ANKS1B: variants seen among roughly 807,000 people sequenced by gnomAD.
ANKS1B encodes ankyrin repeat and sterile alpha motif domain-containing protein 1B.
Under a neutral mutation model 148.3 loss-of-function variants are expected in ANKS1B, and 36 were observed. The ratio of observed to expected loss-of-function variants is 0.24; its 90% CI spans 0.19 to 0.32. The LOEUF (loss-of-function observed/expected upper bound fraction) is 0.32, where lower values mean the gene tolerates loss of function less well. Ranked by LOEUF, ANKS1B falls within the 10% of genes least tolerant of loss-of-function variation. The pLI, the probability that ANKS1B is intolerant of heterozygous loss-of-function variation, is 1.00. For synonymous variants in ANKS1B, 542 were observed against 560.8 expected, an observed-to-expected ratio of 0.97 and a Z score of 0.47; for missense variants, 1,157 against 1,542.6, an observed-to-expected ratio of 0.75 and a Z score of 4.19.
intron 12 of ANKS1B, among the ~76,000 whole-genome samples, chr12:99,394,955 G>A (rs1000591310): frequency 1.3e-5 from 2 of 152,104 alleles, no homozygotes; most frequent in Non-Finnish European, 2.9e-5. Context: ...TGTGTCAAAC[G>A]ATAGGAAATT....
intron 8 of ANKS1B, 65 bp from the exon 9 acceptor site, chr12:99,655,275 T>C: frequency 7.3e-7 from 1 of 1,370,142 alleles, no homozygotes; most frequent in Middle Eastern, 2.0e-4. Flanking sequence ...TTAACATCAA[T>C]TAAATTCTAT....
At chr12:98,797,804 T>C (rs1303115481) in intron 22 of ANKS1B, among the ~76,000 whole-genome samples, 3 of 152,202 alleles carry the variant, frequency 2.0e-5, no homozygotes, top group Non-Finnish European at 2.9e-5. Flanking sequence ...TTATATGCTC[T>C]TAAATTATTT....
intron 10 of ANKS1B, among the ~76,000 whole-genome samples, chr12:99,494,407 T>C (rs2096582995): frequency 6.6e-6 from 1 of 152,136 alleles, no homozygotes; most frequent in Non-Finnish European, 1.5e-5. Flanking sequence ...GTTCTTGTGG[T>C]TTGCTACTGC....
At chr12:99,098,613 G>C (rs2056961421) in intron 15 of ANKS1B, among the ~76,000 whole-genome samples, 1 of 106,582 alleles carries the variant, frequency 9.4e-6, no homozygotes. Flanking sequence ...TGCCTGCTAG[G>C]AACTACTTTT....
chr12:99,861,257 T>C (rs538934742), intron 1 of ANKS1B, among the ~76,000 whole-genome samples: 66 of 152,348 alleles, frequency 4.3e-4, no homozygotes, highest in African/African-American at 1.6e-3. Flanking sequence ...AACTGTTAAA[T>C]GTAATTTGTC....
chr12:99,318,884 T>C (rs1461995925), intron 12 of ANKS1B, among the ~76,000 whole-genome samples: 1 of 152,202 alleles, frequency 6.6e-6, no homozygotes, highest in Non-Finnish European at 1.5e-5. Flanking sequence ...TTGTTTTCAT[T>C]GGTTTCAAAG....
intron 15 of ANKS1B, among the ~76,000 whole-genome samples, chr12:99,103,027 G>A (rs2058348196): frequency 6.6e-6 from 1 of 152,090 alleles, no homozygotes; most frequent in Non-Finnish European, 1.5e-5. Flanking sequence ...AGCAGGTAAA[G>A]CACTAGTGGA....
chr12:99,583,005 C>A (rs2097585319), intron 9 of ANKS1B, among the ~76,000 whole-genome samples: 1 of 152,068 alleles, frequency 6.6e-6, no homozygotes, highest in South Asian at 2.1e-4. Flanking sequence ...TTTGTAGGAA[C>A]ACCTCTAAAT....
chr12:99,358,687 A>G (rs1272956361), intron 12 of ANKS1B, among the ~76,000 whole-genome samples: 1 of 64,812 alleles, frequency 1.5e-5, no homozygotes. Flanking sequence ...GTGCATGCAT[A>G]CACACACACA....
intron 17 of ANKS1B, among the ~76,000 whole-genome samples, chr12:98,897,328 A>T (rs1353134350): frequency 1.3e-5 from 2 of 152,216 alleles, no homozygotes; most frequent in Non-Finnish European, 2.9e-5. Flanking sequence ...CTAGCTATGC[A>T]TCTGAAAAAG....
At chr12:99,378,612 G>A (rs1469607283) in intron 12 of ANKS1B, among the ~76,000 whole-genome samples, 2 of 137,994 alleles carry the variant, frequency 1.4e-5, no homozygotes, top group Non-Finnish European at 3.0e-5. Flanking sequence ...CCGAGATCAC[G>A]CACTGCACTC....
chr12:99,452,604 G>A (rs1044487941), intron 10 of ANKS1B, among the ~76,000 whole-genome samples: 4 of 152,134 alleles, frequency 2.6e-5, no homozygotes, highest in Non-Finnish European at 5.9e-5. Flanking sequence ...GGGAGAAACA[G>A]TACAGAAATC....
chr12:99,560,323 ATGT>A (rs1376221290), intron 9 of ANKS1B, among the ~76,000 whole-genome samples: 1 of 152,040 alleles, frequency 6.6e-6, no homozygotes, highest in East Asian at 1.9e-4. Flanking sequence ...CTCAATAGAT[ATGT>A]TGTTTTTTTT....
chr12:99,563,124 C>T (rs1340849750), intron 9 of ANKS1B, among the ~76,000 whole-genome samples: 1 of 152,146 alleles, frequency 6.6e-6, no homozygotes, highest in African/African-American at 2.4e-5. Context: ...CTGATTTGGT[C>T]TTCTAACCAG....
chr12:98,957,981 A>G (rs2099865254), intron 17 of ANKS1B, among the ~76,000 whole-genome samples: 2 of 152,176 alleles, frequency 1.3e-5, no homozygotes, highest in Non-Finnish European at 2.9e-5. Flanking sequence ...GTACTTGTAA[A>G]TAGATGGGAG....
intron 17 of ANKS1B, among the ~76,000 whole-genome samples, chr12:98,930,940 G>A (rs1271911884): frequency 6.6e-6 from 1 of 151,996 alleles, no homozygotes; most frequent in Non-Finnish European, 1.5e-5. Flanking sequence ...GGCCACTCAT[G>A]GTTTTCACCT....
chr12:98,770,303 T>G (rs973599157), intron 25 of ANKS1B, among the ~76,000 whole-genome samples: 22 of 152,180 alleles, frequency 1.4e-4, no homozygotes, highest in Non-Finnish European at 7.4e-5. Context: ...TTCTATGACA[T>G]CAATCCAACC....
Position 99,276,227 on chromosome 12 carries a change from C to T in ANKS1B, c.1757-29363G>A, listed in dbSNP as rs541973270. On this transcript the variant is annotated intron_variant, in intron 12 of 26. Coordinates refer to ENST00000683438, the MANE Select transcript of ANKS1B (RefSeq NM_001352186.2). ...TGGGTGAATATTTCATCTCACTAGA[C>T]GGTTTGGGACATTAAATTTTGGGCA... Among the ~76,000 whole-genome samples the T allele has an allele frequency of 1.8e-3, 280 of 152,218 alleles. 1 individual carries two copies. The highest frequency in any genetic ancestry group is 7.2e-3 in the South Asian group (35 of 4,828).
At chr12:99,733,816 C>T (rs956125760) in intron 8 of ANKS1B, among the ~76,000 whole-genome samples, 1 of 152,160 alleles carries the variant, frequency 6.6e-6, no homozygotes, top group African/African-American at 2.4e-5. Flanking sequence ...AAACCCTTTT[C>T]TTCTCTTCCA....
Sources: allele counts gnomAD v4.1 joint callset (sites outside exome capture counted in the v4.1 genomes callset), GRCh38; gene constraint gnomAD v4.1.1; transcripts MANE v1.5; gene names NCBI Gene and HGNC (gene_info 2026-07-23, HGNC 2026-07-21).